NINL: variants seen among roughly 807,000 people sequenced by gnomAD.
NINL encodes the protein ninein like.
Under a neutral mutation model 160.3 loss-of-function variants are expected in NINL, and 153 were observed. That is an observed-to-expected ratio of 0.95 (90% CI 0.84 to 1.09). The LOEUF (loss-of-function observed/expected upper bound fraction) is 1.09, where lower values mean the gene tolerates loss of function less well. NINL is among the 50% of genes least tolerant of loss of function. The pLI is 0.00. For missense variants in NINL, 1,829 were observed against 1,764.0 expected (o/e 1.04, Z -0.66); for synonymous variants, 800 against 734.8 (o/e 1.09, Z -1.43).
intron 10 of NINL, among the ~76,000 whole-genome samples, chr20:25,491,808 G>A (rs143831897): frequency 0.012 from 1,874 of 152,330 alleles, 34 homozygotes; most frequent in African/African-American, 0.04. Context: ...TCCCTGGGGT[G>A]AGTCCCAAGG....
chr20:25,491,602 T>C, intron 10 of NINL, 77 bp from the exon 11 acceptor site: 1 of 1,524,678 alleles, frequency 6.6e-7, no homozygotes, highest in Admixed American at 1.8e-5. Flanking sequence ...CTTCCTAGCC[T>C]CCTCCCTCTT....
At chr20:25,549,788 A>G (rs1647699959) in intron 1 of NINL, among the ~76,000 whole-genome samples, 1 of 152,172 alleles carries the variant, frequency 6.6e-6, no homozygotes, top group African/African-American at 2.4e-5. Context: ...CCAACTCCAC[A>G]ATGTCCCTAA....
intron 1 of NINL, among the ~76,000 whole-genome samples, chr20:25,547,678 C>T (rs1456511545): frequency 2.0e-5 from 3 of 152,114 alleles, no homozygotes; most frequent in African/African-American, 7.2e-5. Flanking sequence ...CCATGTTTTC[C>T]ATTTTACTTT....
At chr20:25,526,678 C>T (rs889675850) in intron 1 of NINL, 80 bp from the exon 2 acceptor site, 13 of 1,428,916 alleles carry the variant, frequency 9.1e-6, no homozygotes, top group Middle Eastern at 1.8e-4. Flanking sequence ...CGGTGAGCAC[C>T]GAGCTACATG....
chr20:25,504,514 C>A (rs903670629), intron 6 of NINL, among the ~76,000 whole-genome samples: 1 of 152,208 alleles, frequency 6.6e-6, no homozygotes, highest in African/African-American at 2.4e-5. Context: ...AACATGGCCA[C>A]TGGAGAGTGA....
chr20:25,511,597 T>G (rs1278138749), intron 4 of NINL, among the ~76,000 whole-genome samples: 4 of 152,136 alleles, frequency 2.6e-5, no homozygotes, highest in Non-Finnish European at 4.4e-5. Flanking sequence ...CTGACAACCC[T>G]AAAGGCGGCT....
intron 2 of NINL, among the ~76,000 whole-genome samples, chr20:25,520,955 G>A (rs1310642259): frequency 3.3e-5 from 5 of 152,096 alleles, no homozygotes; most frequent in Admixed American, 1.3e-4. Context: ...CACATAATAC[G>A]CCAGGTATAG....
At position 25,526,436 on chromosome 20, in the gene NINL, G is replaced by A. The variant is rs572265862; in HGVS notation, c.152C>T (p.Thr51Met). ...LEQQLPVLLQTLLGNDHFARV... is the reference protein window; with the variant it reads ...LEQQLPVLLQMLLGNDHFARV... ...GGCGAAATGGTCGTTTCCGAGAAGC[G>A]TCTGCAGGAGGACGGGCAGCTGCTG... Residue 51 changes from threonine to methionine, a missense_variant, in exon 2 of 24, where the codon ACG (threonine) becomes ATG (methionine). Thr to Met is a moderately conservative substitution (Grantham distance 81). Coordinates refer to ENST00000278886, the MANE Select transcript of NINL (RefSeq NM_025176.6). The A allele has an allele frequency of 1.7e-5, 28 of 1,613,470 alleles. No homozygotes were observed. The highest frequency in any genetic ancestry group is 1.2e-4 in the South Asian group (11 of 91,058).
intron 1 of NINL, among the ~76,000 whole-genome samples, chr20:25,559,597 C>G (rs1266966046): frequency 6.6e-6 from 1 of 151,594 alleles, no homozygotes; most frequent in Non-Finnish European, 1.5e-5. Flanking sequence ...CTCTATCTTG[C>G]CAGGTGTTTT....
Position 25,461,650 on chromosome 20 carries a change from T to G in NINL, c.3583-15A>C, listed in dbSNP as rs776446407. ...ATTTGGTCACTCTGTTTTTAAAAAA[T>G]CAATTGCACAAGTCAAGAAGTATCT... On this transcript the variant is annotated splice_polypyrimidine_tract_variant and intron_variant, in intron 20 of 23. Transcript: ENST00000278886. 6.6e-7 allele frequency: 1 copy of G among 1,513,342 alleles called. No individual in the cohort carries two copies. The highest frequency in any genetic ancestry group is 9.2e-7 in the Non-Finnish European group (1 of 1,089,060). The allele number at this position is 1,513,342 out of a possible 1,614,324, so 93.7% of individuals were successfully genotyped here.
intron 22 of NINL, among the ~76,000 whole-genome samples, chr20:25,457,700 T>C (rs961059898): frequency 1.3e-5 from 2 of 152,224 alleles, no homozygotes; most frequent in Non-Finnish European, 2.9e-5. Context: ...TCCTGAAGTC[T>C]GTCCCTGATG....
intron 1 of NINL, among the ~76,000 whole-genome samples, chr20:25,582,930 T>C (rs2065189692): frequency 6.6e-6 from 1 of 152,240 alleles, no homozygotes; most frequent in Admixed American, 6.5e-5. Context: ...GCTAGCCATA[T>C]GCAGTAAACA....
intron 1 of NINL, among the ~76,000 whole-genome samples, chr20:25,526,890 T>C (rs1041322826): frequency 3.9e-5 from 6 of 152,024 alleles, no homozygotes; most frequent in African/African-American, 1.4e-4. Flanking sequence ...TTAGGCCAGG[T>C]ATGGGTGACT....
At chr20:25,570,694 C>CTTTTTTTTTT (rs57981279) in intron 1 of NINL, among the ~76,000 whole-genome samples, 1 of 91,010 alleles carries the variant, frequency 1.1e-5, no homozygotes, top group African/African-American at 4.5e-5. Context: ...GGCAAGTAGA[C>CTTTTTTTTTT]TTTTTTTTTT....
chr20:25,480,412 A>G, intron 14 of NINL, 145 bp from the exon 15 acceptor site: 1 of 654,800 alleles, frequency 1.5e-6, no homozygotes. Flanking sequence ...CCTTAAAGTC[A>G]GCACTCGTCA....
In NINL at chr20:25,458,271, T is replaced by C. The variant is rs1009922852; in HGVS notation, c.3843+112A>G. ...CTTCCTTACCATCTGACATGCTACA[T>C]ACGTGACTCATGTATTCACAGTTGT... On this transcript the variant is annotated intron_variant, in intron 22 of 23. Coordinates refer to ENST00000278886, the MANE Select transcript of NINL (RefSeq NM_025176.6). 3.0e-6 allele frequency: 4 copies of C among 1,354,882 alleles called. No homozygotes were observed. The African/African-American group carries it at 5.7e-5, about 19-fold the overall frequency. 83.9% of individuals were successfully genotyped at this position (1,354,882 alleles called of 1,614,324 possible).
At chr20:25,578,115 A>AT (rs79394380) in intron 1 of NINL, among the ~76,000 whole-genome samples, 121 of 137,680 alleles carry the variant, frequency 8.8e-4, no homozygotes, top group Middle Eastern at 3.7e-3. Flanking sequence ...TACAGGCGTG[A>AT]TTTTTTTTTT....
At chr20:25,466,752 A>G (rs1448174847) in intron 19 of NINL, among the ~76,000 whole-genome samples, 2 of 152,040 alleles carry the variant, frequency 1.3e-5, no homozygotes, top group African/African-American at 2.4e-5. Context: ...GTGAGCCAAG[A>G]TCGCACCACT....
chr20:25,474,622 T>C (rs976059513), intron 17 of NINL, among the ~76,000 whole-genome samples: 1 of 152,136 alleles, frequency 6.6e-6, no homozygotes, highest in Admixed American at 6.6e-5. Context: ...GAACTTTTTT[T>C]TTTTTTGAGA....
Sources: gnomAD v4.1 joint callset for allele counts (sites outside exome capture counted in the v4.1 genomes callset) on GRCh38, gnomAD v4.1.1 for gene constraint, MANE v1.5 for transcripts, NCBI Gene and HGNC (gene_info 2026-07-23, HGNC 2026-07-21) for gene names.